Variants in TBCEL observed in about 807,000 individuals in gnomAD.
The protein encoded by TBCEL is tubulin folding cofactor E like, also known as tubulin-specific chaperone cofactor E-like protein.
In TBCEL, 15 loss-of-function variants were observed where a neutral mutation model predicts 44.2. The observed-to-expected ratio is 0.34, with a 90% confidence interval of 0.23 to 0.52. The LOEUF (loss-of-function observed/expected upper bound fraction) is 0.52, where lower values mean the gene tolerates loss of function less well. Among genes scored for constraint, TBCEL ranks in the 20% least tolerant of loss-of-function variants. The probability of loss-of-function intolerance (pLI) is 0.95; values close to 1 mark genes in which losing one functional copy is unlikely to be tolerated. For missense variants in TBCEL, 319 were observed against 506.3 expected (o/e 0.63, Z 3.55); for synonymous variants, 171 against 185.4 (o/e 0.92, Z 0.63).
At chr11:121,034,758 A>G (rs962291821) in intron 1 of TBCEL, among the ~76,000 whole-genome samples, 1 of 152,352 alleles carries the variant, frequency 6.6e-6, no homozygotes, top group African/African-American at 2.4e-5. Flanking sequence ...ATTTAAAATG[A>G]AAAGATGACA....
chr11:121,054,698 TC>T (rs1286793986), intron 5 of TBCEL: 2 of 163,396 alleles, frequency 1.2e-5, no homozygotes, highest in African/African-American at 4.7e-5. Flanking sequence ...AGTCCTCCCC[TC>T]CTTCAAGGCC....
chr11:121,051,054 T>C (rs1271853577), intron 4 of TBCEL, among the ~76,000 whole-genome samples: 1 of 151,766 alleles, frequency 6.6e-6, no homozygotes, highest in Non-Finnish European at 1.5e-5. Flanking sequence ...TTGAGGTTAC[T>C]CAAAAAAACC....
chr11:121,031,121 G>T (rs1023983750), intron 1 of TBCEL, among the ~76,000 whole-genome samples: 4 of 152,118 alleles, frequency 2.6e-5, no homozygotes, highest in Non-Finnish European at 5.9e-5. Context: ...CAGGATTTTT[G>T]CAGTTTTAAG....
intron 1 of TBCEL, among the ~76,000 whole-genome samples, chr11:121,033,409 A>G (rs1283221310): frequency 1.3e-5 from 2 of 152,180 alleles, no homozygotes; most frequent in Non-Finnish European, 2.9e-5. Context: ...GAACATTGAT[A>G]AAGGATTCCA....
chr11:121,081,220 G>A (rs1424472104), intron 8 of TBCEL, among the ~76,000 whole-genome samples: 6 of 152,136 alleles, frequency 3.9e-5, no homozygotes, highest in African/African-American at 9.7e-5. Flanking sequence ...TGCCCACGTG[G>A]TTATGCTGGC....
intron 2 of TBCEL, among the ~76,000 whole-genome samples, chr11:121,042,612 G>A (rs1347230899): frequency 6.6e-6 from 1 of 152,022 alleles, no homozygotes; most frequent in African/African-American, 2.4e-5. Context: ...TATTTTCAAG[G>A]TCACTTTACT....
At chr11:121,086,437 A>G (rs1361619232) in intron 8 of TBCEL, among the ~76,000 whole-genome samples, 1 of 152,160 alleles carries the variant, frequency 6.6e-6, no homozygotes, top group Non-Finnish European at 1.5e-5. Context: ...GCCCTTCTTG[A>G]TGATGACACC....
chr11:121,075,524 GCTGGAGTTTTGA>G (rs1300285423), intron 8 of TBCEL, among the ~76,000 whole-genome samples: 1 of 151,940 alleles, frequency 6.6e-6, no homozygotes, highest in Admixed American at 6.6e-5. Context: ...AGAAAACTTT[GCTGGAGTTTTGA>G]CAGGAATTTT....
chr11:121,040,600 CTA>C (rs1945313580), intron 2 of TBCEL, among the ~76,000 whole-genome samples: 2 of 151,932 alleles, frequency 1.3e-5, no homozygotes, highest in Admixed American at 1.3e-4. Flanking sequence ...CTATTTTTAT[CTA>C]TTTTATTTCT....
At chr11:121,068,547 A>G (rs1945865122) in intron 8 of TBCEL, among the ~76,000 whole-genome samples, 3 of 152,158 alleles carry the variant, frequency 2.0e-5, no homozygotes, top group East Asian at 3.9e-4. Flanking sequence ...AGGCCCGTGC[A>G]TCTCATAGCA....
intron 2 of TBCEL, among the ~76,000 whole-genome samples, chr11:121,038,563 A>C (rs1283171132): frequency 6.6e-6 from 1 of 152,104 alleles, no homozygotes; most frequent in African/African-American, 2.4e-5. Flanking sequence ...AGAGTTCACA[A>C]AGTGAAAATT....
chr11:121,053,837 A>G, intron 5 of TBCEL, 105 bp downstream of exon 5: 1 of 1,271,386 alleles, frequency 7.9e-7, no homozygotes, highest in Non-Finnish European at 1.1e-6. Flanking sequence ...CTGCAGATTG[A>G]GTGGAGAAAG....
intron 8 of TBCEL, among the ~76,000 whole-genome samples, chr11:121,066,116 A>G (rs1348024138): frequency 6.6e-6 from 1 of 152,234 alleles, no homozygotes; most frequent in Admixed American, 6.5e-5. Context: ...ATTGATGGGA[A>G]GCAGGGTACA....
At chr11:121,033,289 C>A (rs1945175203) in intron 1 of TBCEL, among the ~76,000 whole-genome samples, 1 of 152,106 alleles carries the variant, frequency 6.6e-6, no homozygotes, top group Admixed American at 6.5e-5. Flanking sequence ...ATCATATTTT[C>A]TCATAGGCAT....
chr11:121,068,273 A>G lies in TBCEL; in HGVS notation c.956+8188A>G, dbSNP rs79572681. ...TCCCTCACCCCTAGCCCCCTGTGCC[A>G]TAGCTACTGCTCTGCCAGTTTTTCT... On this transcript the variant is annotated intron_variant, in intron 8 of 8. Coordinates refer to ENST00000683345, the MANE Select transcript of TBCEL (RefSeq NM_001363644.2). Among the ~76,000 whole-genome samples, 523 of 152,178 alleles carry G rather than the reference A, an allele frequency of 3.4e-3. 2 individuals are homozygous for G. The highest frequency in any genetic ancestry group is 0.012 in the African/African-American group (488 of 41,540).
intron 1 of TBCEL, among the ~76,000 whole-genome samples, chr11:121,025,463 C>T (rs1173417383): frequency 6.6e-6 from 1 of 151,864 alleles, no homozygotes; most frequent in East Asian, 1.9e-4. Flanking sequence ...AGATCTAGTA[C>T]ATACGTAGGT....
chr11:121,052,878 C>T (rs978736861), intron 4 of TBCEL, among the ~76,000 whole-genome samples: 2 of 151,864 alleles, frequency 1.3e-5, no homozygotes, highest in Non-Finnish European at 2.9e-5. Flanking sequence ...TAGTACCATG[C>T]AGACCAAATA....
intron 6 of TBCEL, among the ~76,000 whole-genome samples, chr11:121,056,813 T>C (rs997985006): frequency 6.6e-6 from 1 of 151,950 alleles, no homozygotes; most frequent in Non-Finnish European, 1.5e-5. Flanking sequence ...TGGCCCATTT[T>C]GTAGCCAGAT....
At chr11:121,025,749 G>A (rs948418311) in intron 1 of TBCEL, among the ~76,000 whole-genome samples, 2 of 151,876 alleles carry the variant, frequency 1.3e-5, no homozygotes, top group Non-Finnish European at 2.9e-5. Context: ...TTGGCCGGGG[G>A]AGAGGGAGGA....
Sources: allele counts gnomAD v4.1 joint callset (sites outside exome capture counted in the v4.1 genomes callset), GRCh38; gene constraint gnomAD v4.1.1; transcripts MANE v1.5; gene names NCBI Gene and HGNC (gene_info 2026-07-23, HGNC 2026-07-21).